WWOX: variants seen among roughly 807,000 people sequenced by gnomAD.
WWOX encodes WW domain-containing oxidoreductase.
In WWOX, 69 loss-of-function variants were observed where a neutral mutation model predicts 46.2. That is an observed-to-expected ratio of 1.49 (90% CI 1.23 to 1.82). The LOEUF is 1.82. WWOX is among the 40% of genes most tolerant of loss of function. The pLI, the probability that WWOX is intolerant of heterozygous loss-of-function variation, is 0.00. For synonymous variants in WWOX, 359 were observed against 202.6 expected (o/e 1.77, Z -6.56); for missense variants, 919 against 542.6 (o/e 1.69, Z -6.89).
chr16:78,695,425 T>C (rs929476835), intron 8 of WWOX, among the ~76,000 whole-genome samples: 2 of 152,208 alleles, frequency 1.3e-5, no homozygotes, highest in Non-Finnish European at 2.9e-5. Context: ...TTTTCTGTGA[T>C]TCGGGAGCAC....
intron 8 of WWOX, among the ~76,000 whole-genome samples, chr16:79,080,668 T>C (rs1023472133): frequency 6.6e-6 from 1 of 152,124 alleles, no homozygotes; most frequent in Admixed American, 6.5e-5. Context: ...CGGGGTCTTG[T>C]TGAAAAACCA....
chr16:78,742,840 T>C (rs2049262098), intron 8 of WWOX, among the ~76,000 whole-genome samples: 1 of 152,178 alleles, frequency 6.6e-6, no homozygotes, highest in Non-Finnish European at 1.5e-5. Flanking sequence ...TGAACAGCCA[T>C]TGCGAGTCTC....
chr16:78,706,062 T>TTTG lies in WWOX; in HGVS notation c.1056+273312_1056+273313insGTT, dbSNP rs1396249183. On this transcript the variant is annotated intron_variant, in intron 8 of 8. Coordinates refer to ENST00000566780, the MANE Select transcript of WWOX (RefSeq NM_016373.4). ...CTCCAGTCAGAGTTATGGCAGGTTT[T>TTTG]TTTTTTTTTTTTTTTTTGACTAAAT... 2.0e-5 allele frequency among the ~76,000 whole-genome samples: 3 copies of TTTG among 149,986 alleles called. No individual in the cohort carries two copies. The East Asian group carries it at 5.9e-4, about 29-fold the overall frequency.
chr16:78,750,623 C>T (rs1165381546), intron 8 of WWOX, among the ~76,000 whole-genome samples: 1 of 152,036 alleles, frequency 6.6e-6, no homozygotes, highest in Non-Finnish European at 1.5e-5. Flanking sequence ...GGTAGTTTTT[C>T]AATCCTTTTC....
rs183916333 is a variant in WWOX at position 78,313,277 on chromosome 16, C to T, written c.517-73583C>T. ...TATCTATAAAATATGGCTTATAACT[C>T]ACCCTGTATTATAGATCTGCTGGGA... On this transcript the variant is annotated intron_variant, in intron 5 of 8. Coordinates refer to ENST00000566780, the MANE Select transcript of WWOX (RefSeq NM_016373.4). 2.9e-4 allele frequency among the ~76,000 whole-genome samples: 44 copies of T among 152,296 alleles called. 1 individual carries two copies. Among genetic ancestry groups the T allele is most frequent in the African/African-American group, 1.0e-3 (42 of 41,556 alleles).
intron 5 of WWOX, among the ~76,000 whole-genome samples, chr16:78,277,472 G>A (rs1567474250): frequency 6.6e-6 from 1 of 151,824 alleles, no homozygotes; most frequent in Admixed American, 6.6e-5. Flanking sequence ...AGCTCATACC[G>A]ACATCACAGA....
chr16:78,686,970 G>C (rs1416926632), intron 8 of WWOX, among the ~76,000 whole-genome samples: 1 of 152,184 alleles, frequency 6.6e-6, no homozygotes, highest in Admixed American at 6.5e-5. Context: ...AAGTTAAGTG[G>C]AACATCACGA....
chr16:78,753,984 AAAAGAGATATGCC>A (rs1008420365), intron 8 of WWOX, among the ~76,000 whole-genome samples: 24 of 150,586 alleles, frequency 1.6e-4, no homozygotes, highest in Admixed American at 1.5e-3. Context: ...CCATCTCAAG[AAAAGAGATATGCC>A]AAAGAGAATG....
chr16:78,762,248 C>T (rs999450902), intron 8 of WWOX, among the ~76,000 whole-genome samples: 1 of 152,140 alleles, frequency 6.6e-6, no homozygotes, highest in Non-Finnish European at 1.5e-5. Context: ...AAGACTGTGC[C>T]CTTTCATCCA....
chr16:78,936,712 C>G (rs2045745063), intron 8 of WWOX, among the ~76,000 whole-genome samples: 1 of 152,056 alleles, frequency 6.6e-6, no homozygotes, highest in Admixed American at 6.6e-5. Context: ...GACAACAGCT[C>G]AGCAATCACA....
At chr16:79,020,754 G>A (rs148313291) in intron 8 of WWOX, among the ~76,000 whole-genome samples, 242 of 152,312 alleles carry the variant, frequency 1.6e-3, no homozygotes, top group African/African-American at 5.6e-3. Flanking sequence ...CAACACGCAT[G>A]CAGCTTCCCA....
chr16:78,220,756 T>C (rs185409876), intron 5 of WWOX, among the ~76,000 whole-genome samples: 2 of 152,308 alleles, frequency 1.3e-5, no homozygotes, highest in Admixed American at 1.3e-4. Flanking sequence ...AGAATGGCAG[T>C]TCTGAGCTAG....
In WWOX at chr16:78,971,616, C is replaced by G. The variant is rs536126662; in HGVS notation, c.1057-239992C>G. The stretch of plus-strand genomic sequence containing the variant: ...AAGAGCATAAGAAAAAGGAAGGGTA[C>G]TGGGTGGACCAAATCTATTGTTACA... On this transcript the variant is annotated intron_variant, in intron 8 of 8. Transcript: ENST00000566780. 1.1e-4 allele frequency among the ~76,000 whole-genome samples: 17 copies of G among 152,148 alleles called. No homozygotes were observed. In the South Asian group the frequency reaches 1.2e-3, roughly 11 times the overall value.
intron 8 of WWOX, among the ~76,000 whole-genome samples, chr16:78,920,727 C>G (rs1160834696): frequency 6.6e-6 from 1 of 152,090 alleles, no homozygotes; most frequent in Admixed American, 6.6e-5. Flanking sequence ...GTGTGACCTA[C>G]TTTTTATTAT....
chr16:78,523,872 T>G (rs9923611), intron 8 of WWOX, among the ~76,000 whole-genome samples: 28,392 of 152,172 alleles, frequency 0.19, 3,650 homozygotes, highest in African/African-American at 0.36. Flanking sequence ...AGCTAGAGTT[T>G]TAGGATGAAG....
At chr16:78,932,390 A>C (rs990268855) in intron 8 of WWOX, among the ~76,000 whole-genome samples, 1 of 152,150 alleles carries the variant, frequency 6.6e-6, no homozygotes, top group Admixed American at 6.5e-5. Flanking sequence ...TTCTTTGTAT[A>C]GACAGCCTAT....
At chr16:78,302,166 G>A (rs2080053018) in intron 5 of WWOX, among the ~76,000 whole-genome samples, 1 of 151,974 alleles carries the variant, frequency 6.6e-6, no homozygotes, top group Non-Finnish European at 1.5e-5. Context: ...TCGCCATGTT[G>A]GCCAGGCTGG....
At chr16:79,016,908 G>A (rs1488968086) in intron 8 of WWOX, 1 of 152,110 alleles carries the variant, frequency 6.6e-6, no homozygotes, top group Non-Finnish European at 1.5e-5. Context: ...TTCCAAAATA[G>A]GACCTGGGGT....
At chr16:78,574,623 G>A (rs993242489) in intron 8 of WWOX, among the ~76,000 whole-genome samples, 3 of 151,938 alleles carry the variant, frequency 2.0e-5, no homozygotes, top group Admixed American at 6.6e-5. Context: ...ATATTTCACT[G>A]TATATGTGAA....
Sources: allele counts gnomAD v4.1 joint callset (sites outside exome capture counted in the v4.1 genomes callset), GRCh38; gene constraint gnomAD v4.1.1; transcripts MANE v1.5; gene names NCBI Gene and HGNC (gene_info 2026-07-23, HGNC 2026-07-21).